CIZ1: variants seen among roughly 807,000 people sequenced by gnomAD.
CIZ1 encodes the protein cip1-interacting zinc finger protein.
In CIZ1, 58 loss-of-function variants were observed where a neutral mutation model predicts 118.6. That is an observed-to-expected ratio of 0.49 (90% CI 0.40 to 0.61). CIZ1 has a LOEUF of 0.61. Among genes scored for constraint, CIZ1 ranks in the 20% least tolerant of loss-of-function variants. The pLI, the probability that CIZ1 is intolerant of heterozygous loss-of-function variation, is 0.00. For missense variants in CIZ1, 921 were observed against 1,115.9 expected (o/e 0.83, Z 2.49); for synonymous variants, 448 against 443.4 (o/e 1.01, Z -0.13).
chr9:128,191,969 G>A, upstream of CIZ1: 4 of 1,356,720 alleles, frequency 2.9e-6, no homozygotes, highest in Non-Finnish European at 3.8e-6. This position sits in a 1 kb window ranked among gnomAD's most constrained non-coding sequence, Gnocchi z 5.5. Flanking sequence ...CAGGCGAGAG[G>A]GCGGCCAAGG....
rs45477299 is a variant in CIZ1, at chr9:128,187,547, T to C, written c.358+316A>G. ...AATGTTTCATGAGTATTCAATGAGA[T>C]ATACAAATGTGCCTGGTACATAGTA... On this transcript the variant is annotated intron_variant, in intron 4 of 16. Transcript: ENST00000372938. 4.7e-3 allele frequency among the ~76,000 whole-genome samples: 715 copies of C among 152,310 alleles called. 3 individuals carry two copies. The highest frequency in any genetic ancestry group is 0.016 in the African/African-American group (680 of 41,542).
intron 2 of CIZ1, 23 bp downstream of exon 2, chr9:128,190,665 T>C (rs1833020421): frequency 2.6e-6 from 4 of 1,546,906 alleles, no homozygotes; most frequent in Non-Finnish European, 3.5e-6. Flanking sequence ...GCTGAAGCCA[T>C]CGCGCCCGAG....
In CIZ1 at chr9:128,203,351, CGAGGGGCGGGG is replaced by C; in HGVS notation, c.-6+824_-6+834del. 1 of 1,009,624 alleles carries C rather than the reference CGAGGGGCGGGG, an allele frequency of 9.9e-7. No homozygotes were observed. The highest frequency in any genetic ancestry group is 1.3e-6 in the Non-Finnish European group (1 of 789,374). 62.5% of individuals were successfully genotyped at this position (1,009,624 alleles called of 1,614,324 possible). On this transcript the variant is annotated intron_variant, in intron 1 of 17. Coordinates refer to the CIZ1 transcript ENST00000372948. The surrounding 1 kb of genome is among the most constrained non-coding windows in gnomAD (Gnocchi z 5.3). ...CGGGAGCGGTGCTCGCTCCGATCCC[CGAGGGGCGGGG>C]GCCCCGCGGCGCAGGCAGTCTGGGC...
rs773212648 is a variant in CIZ1 at position 128,190,460 on chromosome 9, G to A, written c.171-16C>T. 26 of 1,569,644 alleles carry A rather than the reference G, an allele frequency of 1.7e-5. No homozygotes were observed. In the South Asian group the frequency reaches 2.4e-4, roughly 14 times the overall value. On this transcript the variant is annotated splice_polypyrimidine_tract_variant and intron_variant, in intron 2 of 16. Coordinates refer to ENST00000372938, the MANE Select transcript of CIZ1 (RefSeq NM_001131016.2). The stretch of plus-strand genomic sequence containing the variant: ...GGGGAGCCCCCTGTGTGTTGGGAGG[G>A]GGTGTCAGAGGGTTATTTGGAAAGT...
At chr9:128,182,687 CT>C (rs1831829718) in intron 5 of CIZ1, among the ~76,000 whole-genome samples, 2 of 152,328 alleles carry the variant, frequency 1.3e-5, no homozygotes, top group Admixed American at 6.5e-5. Flanking sequence ...GTCCCTGCCC[CT>C]AGGCCTTCAC....
At chr9:128,174,541 T>C (rs1830625171) in intron 11 of CIZ1, among the ~76,000 whole-genome samples, 1 of 152,110 alleles carries the variant, frequency 6.6e-6, no homozygotes, top group Non-Finnish European at 1.5e-5. Flanking sequence ...TTATAGAAAT[T>C]AGAATTTTTT....
chr9:128,173,655 C>T (rs963300112), intron 11 of CIZ1, among the ~76,000 whole-genome samples: 6 of 152,086 alleles, frequency 3.9e-5, no homozygotes, highest in East Asian at 1.9e-4. Context: ...GGGGAGAGAA[C>T]ATGGTCATCA....
rs935072498 is a variant in CIZ1, at chr9:128,173,806, A to G, written c.1943+2545T>C. On this transcript the variant is annotated intron_variant, in intron 11 of 16. Transcript: ENST00000372938. Reference sequence around the variant, plus strand: ...CAGATCACAAGGTCAGGAGATCAAGACCATCCTGGCTAACACAGAGAAACC... The same window carrying G: ...CAGATCACAAGGTCAGGAGATCAAGGCCATCCTGGCTAACACAGAGAAACC... Among the ~76,000 whole-genome samples the G allele has an allele frequency of 2.6e-5, 4 of 152,076 alleles. No homozygotes were observed. The South Asian group carries it at 6.2e-4, about 24-fold the overall frequency.
At position 128,190,957 on chromosome 9, in the gene CIZ1, CAG is replaced by C. The variant is rs1833063448; in HGVS notation, c.-5-97_-5-96del. 2.1e-6 allele frequency: 3 copies of C among 1,454,442 alleles called. No individual in the cohort carries two copies. In the East Asian group the frequency reaches 7.4e-5, roughly 36 times the overall value. 90.1% of individuals were successfully genotyped at this position (1,454,442 alleles called of 1,614,324 possible). A position where few individuals can be genotyped will look rare whatever the true frequency, so the allele number is the denominator to read the frequency against. On this transcript the variant is annotated intron_variant, in intron 1 of 16. Transcript: ENST00000372938. ...CGCCACTCCCCGCAGCCACAGCCCG[CAG>C]AGACTGCTGAGGAGCTTCACAGCTG...
chr9:128,175,325 T>C (rs567664411), intron 11 of CIZ1, among the ~76,000 whole-genome samples: 4 of 152,316 alleles, frequency 2.6e-5, no homozygotes, highest in South Asian at 2.1e-4. Flanking sequence ...ATCATGATAC[T>C]AATAGCAAAG....
rs1364550170 is a variant in CIZ1 at position 128,203,302 on chromosome 9, C to T, written c.-6+884G>A. 7.1e-6 allele frequency: 3 copies of T among 423,518 alleles called. No homozygotes were observed. Among genetic ancestry groups the T allele is most frequent in the South Asian group, 1.1e-4 (1 of 9,230 alleles). 26.2% of individuals were successfully genotyped at this position (423,518 alleles called of 1,614,324 possible). A position where few individuals can be genotyped will look rare whatever the true frequency, so the allele number is the denominator to read the frequency against. On this transcript the variant is annotated intron_variant, in intron 1 of 17. Coordinates refer to the CIZ1 transcript ENST00000372948. This position sits in a 1 kb window ranked among gnomAD's most constrained non-coding sequence, Gnocchi z 5.3. ...TGCGCACGGCGGCCGGCCCGCAGCG[C>T]CGCGGGCTCCCCCTAGCGGCGTCCG...
At chr9:128,193,703 C>T (rs1833305477), upstream of CIZ1, among the ~76,000 whole-genome samples, 1 of 151,734 alleles carries the variant, frequency 6.6e-6, no homozygotes, top group Non-Finnish European at 1.5e-5. Flanking sequence ...GAGTGAGACT[C>T]CATTTTAAAA....
At chr9:128,181,883 C>CGTCT (rs1331242774) in intron 5 of CIZ1, among the ~76,000 whole-genome samples, 2 of 152,152 alleles carry the variant, frequency 1.3e-5, no homozygotes, top group African/African-American at 4.8e-5. Context: ...GAGGCCTAAC[C>CGTCT]GTCTCCCTGT....
At chr9:128,170,189 A>G (rs1268604935) in intron 11 of CIZ1, 82 bp from the exon 12 acceptor site, 1 of 1,175,276 alleles carries the variant, frequency 8.5e-7, no homozygotes, top group African/African-American at 1.6e-5. Flanking sequence ...AGTGTAATCC[A>G]TTCCAATAGC....
chr9:128,173,862 C>T lies in CIZ1; in HGVS notation c.1943+2489G>A, dbSNP rs938730492. The stretch of plus-strand genomic sequence containing the variant: ...TCTACTAAAAATACAAAAAATTAGC[C>T]GGGCCTAGTGGTAGGCGCCTGTAGT... On this transcript the variant is annotated intron_variant, in intron 11 of 16. Transcript: ENST00000372938. Among the ~76,000 whole-genome samples, 14 of 151,920 alleles carry T rather than the reference C, an allele frequency of 9.2e-5. No individual in the cohort carries two copies. The East Asian group carries it at 1.9e-3, about 21-fold the overall frequency.
rs755879444 is a variant in CIZ1, at chr9:128,185,716, G to A, written c.419C>T (p.Pro140Leu). Residue 140 changes from proline to leucine, a missense_variant, in exon 5 of 17, where the codon CCA becomes CTA. Coordinates refer to ENST00000372938, the MANE Select transcript of CIZ1 (RefSeq NM_001131016.2). ...TTGCAAATTTGGAGTGGCCAGTTGTGGGGGTGTGAGGCTGGGGGCTGCGAG... is the reference window on the plus strand; with the variant it reads ...TTGCAAATTTGGAGTGGCCAGTTGTAGGGGTGTGAGGCTGGGGGCTGCGAG... ...PGLAAPSLTP[P>L]QLATPNLQQF... The A allele has an allele frequency of 3.1e-6, 5 of 1,612,468 alleles. No homozygotes were observed. Among genetic ancestry groups the A allele is most frequent in the African/African-American group, 1.3e-5 (1 of 75,028 alleles).
intron 11 of CIZ1, among the ~76,000 whole-genome samples, chr9:128,173,135 CTTTTTTT>C (rs957423189): frequency 3.0e-4 from 24 of 80,790 alleles, no homozygotes; most frequent in East Asian, 4.6e-4. Flanking sequence ...TGGCTAATTT[CTTTTTTT>C]TTTTTTTTTT....
intron 5 of CIZ1, 104 bp from the exon 6 acceptor site, chr9:128,180,918 T>G (rs567835439): frequency 1.2e-6 from 1 of 805,076 alleles, no homozygotes; most frequent in Non-Finnish European, 2.1e-6. Flanking sequence ...GACAGGGCCC[T>G]GAGGACCTCT....
chr9:128,176,254 C>G, intron 11 of CIZ1, 97 bp downstream of exon 11: 1 of 1,502,066 alleles, frequency 6.7e-7, no homozygotes, highest in South Asian at 1.3e-5. Flanking sequence ...GGGTGCAGTG[C>G]TTAACCCAAA....
Sources: gnomAD v4.1 joint callset for allele counts (sites outside exome capture counted in the v4.1 genomes callset) on GRCh38, gnomAD v4.1.1 for gene constraint, Gnocchi (gnomAD v3.1) non-coding constraint, MANE v1.5 for transcripts, NCBI Gene and HGNC (gene_info 2026-07-23, HGNC 2026-07-21) for gene names.